Variants in RASA1 observed in about 807,000 individuals in gnomAD.
RASA1 encodes the protein RAS p21 protein activator 1, also known as ras GTPase-activating protein 1.
Under a neutral mutation model 132.2 loss-of-function variants are expected in RASA1, and 25 were observed. The observed-to-expected ratio is 0.19, with a 90% confidence interval of 0.14 to 0.26. The LOEUF (loss-of-function observed/expected upper bound fraction) is 0.26, where lower values mean the gene tolerates loss of function less well. Among genes scored for constraint, RASA1 ranks in the 10% least tolerant of loss-of-function variants. The pLI is 1.00. For missense variants in RASA1, 964 were observed against 1,299.2 expected, an observed-to-expected ratio of 0.74 and a Z score of 3.97; for synonymous variants, 477 against 449.9, an observed-to-expected ratio of 1.06 and a Z score of -0.76.
intron 20 of RASA1, among the ~76,000 whole-genome samples, chr5:87,383,456 C>A (rs773626190): frequency 6.6e-6 from 1 of 152,020 alleles, no homozygotes; most frequent in Non-Finnish European, 1.5e-5. Flanking sequence ...ACAACATTTT[C>A]CCAAAGTTAA....
rs1437906177 is a variant in RASA1 at position 87,363,373 on chromosome 5, A to G, written c.1479A>G (p.Leu493=). The change falls in exon 11 of 25, where the codon TTA becomes TTG. Residue 493 remains leucine (L), a synonymous_variant. Coordinates refer to ENST00000274376, the MANE Select transcript of RASA1 (RefSeq NM_002890.3). The part of the protein sequence containing the change: ...KKGKGKRWKN[L]YFILEGSDAQ... Reference sequence around the variant, plus strand: ...GCAAAGGAAAACGTTGGAAAAATTTATATTTTATCTTAGAGGGTAGTGATG... The same window carrying G: ...GCAAAGGAAAACGTTGGAAAAATTTGTATTTTATCTTAGAGGGTAGTGATG... The G allele has an allele frequency of 1.9e-6, 3 of 1,610,650 alleles. No homozygotes were observed. The highest frequency in any genetic ancestry group is 8.5e-7 in the Non-Finnish European group (1 of 1,177,608).
chr5:87,373,210 C>G (rs561825614), intron 13 of RASA1, among the ~76,000 whole-genome samples: 1 of 152,036 alleles, frequency 6.6e-6, no homozygotes, highest in Non-Finnish European at 1.5e-5. Flanking sequence ...CCTTTCTATT[C>G]ATGGGTTCTG....
intron 11 of RASA1, chr5:87,366,403 C>A: frequency 2.5e-6 from 1 of 403,466 alleles, no homozygotes; most frequent in Non-Finnish European, 5.0e-6. Flanking sequence ...GTCCACATTA[C>A]ACTTGATGGT....
chr5:87,269,495 T>C (rs181971709), intron 1 of RASA1, among the ~76,000 whole-genome samples: 14 of 152,314 alleles, frequency 9.2e-5, no homozygotes, highest in Admixed American at 7.2e-4. Context: ...AGAGAAAGCA[T>C]AGTGATGCAG....
intron 9 of RASA1, among the ~76,000 whole-genome samples, chr5:87,355,273 GCTGA>G (rs1759566219): frequency 6.6e-6 from 1 of 152,108 alleles, no homozygotes; most frequent in African/African-American, 2.4e-5. Context: ...CAAAGGTCAG[GCTGA>G]CTGACTCTTT....
At chr5:87,385,218 A>T in intron 21 of RASA1, 83 bp from the exon 22 acceptor site, 1 of 899,294 alleles carries the variant, frequency 1.1e-6, no homozygotes, top group South Asian at 1.3e-5. Flanking sequence ...CAGTAAAGAA[A>T]TATTAAAGTG....
chr5:87,285,678 C>T (rs1400742659), intron 1 of RASA1, among the ~76,000 whole-genome samples: 3 of 144,726 alleles, frequency 2.1e-5, no homozygotes, highest in Admixed American at 7.1e-5. Flanking sequence ...AGTGCAATGG[C>T]GTGATCTTGG....
At chr5:87,358,029 C>G (rs560246622) in intron 9 of RASA1, among the ~76,000 whole-genome samples, 2 of 152,280 alleles carry the variant, frequency 1.3e-5, no homozygotes, top group East Asian at 3.9e-4. Flanking sequence ...ACTCATTCTT[C>G]AAGCAGGGTT....
intron 13 of RASA1, 118 bp downstream of exon 13, chr5:87,372,313 A>G (rs747115127): frequency 8.7e-5 from 78 of 892,282 alleles, no homozygotes; most frequent in Non-Finnish European, 1.2e-4. Context: ...CCATGCTGCC[A>G]CTTGCTTCAG....
At chr5:87,303,083 A>G (rs1409613939) in intron 1 of RASA1, among the ~76,000 whole-genome samples, 2 of 152,116 alleles carry the variant, frequency 1.3e-5, no homozygotes, top group Non-Finnish European at 2.9e-5. Flanking sequence ...TTTTTCATAC[A>G]TGTGTGAGTT....
chr5:87,366,397 A>G (rs2112466697), intron 11 of RASA1: 1 of 415,310 alleles, frequency 2.4e-6, no homozygotes, highest in East Asian at 7.1e-5. Flanking sequence ...AGAAAGGTCC[A>G]CATTACACTT....
rs1386837961 is a variant in RASA1 at position 87,268,363 on chromosome 5, C to T, written c.-89C>T. 7.1e-7 allele frequency: 1 copy of T among 1,409,382 alleles called. No individual in the cohort carries two copies. The highest frequency in any genetic ancestry group is 9.4e-7 in the Non-Finnish European group (1 of 1,067,792). The allele number at this position is 1,409,382 out of a possible 1,614,324, so 87.3% of individuals were successfully genotyped here. A position where few individuals can be genotyped will look rare whatever the true frequency, so the allele number is the denominator to read the frequency against. On this transcript the variant is annotated 5_prime_UTR_variant, in exon 1 of 25. Transcript: ENST00000274376. ...AGCCTGGGGAGCTGAAGGGGAGACGCGTCTGGGTGGGGCTGCTCGGAGCCC... is the reference window on the plus strand; with the variant it reads ...AGCCTGGGGAGCTGAAGGGGAGACGTGTCTGGGTGGGGCTGCTCGGAGCCC...
At position 87,380,571 on chromosome 5, in the gene RASA1, C is replaced by G; in HGVS notation, c.2666C>G (p.Thr889Ser). ...GTTCAGCATAAGTGGCCTACAAATA[C>G]CACCATGAGAACAAGAGTTGTTAGG... Reference protein sequence around the residue: ...KSVQHKWPTNTTMRTRVVSGF... With the variant: ...KSVQHKWPTNSTMRTRVVSGF... Residue 889 changes from threonine to serine, a missense_variant, in exon 20 of 25, where the codon ACC (threonine) becomes AGC (serine). Physicochemically the swap from Thr to Ser is moderately conservative, Grantham distance 58. This residue lies in a region of RASA1 where 346 missense variants were observed against 520.1 expected (regional missense o/e 0.67). Transcript: ENST00000274376. 6.2e-7 allele frequency: 1 copy of G among 1,612,796 alleles called. No homozygotes were observed. The highest frequency in any genetic ancestry group is 1.1e-5 in the South Asian group (1 of 91,066).
At chr5:87,319,341 C>T (rs897479692) in intron 1 of RASA1, among the ~76,000 whole-genome samples, 1 of 152,252 alleles carries the variant, frequency 6.6e-6, no homozygotes, top group African/African-American at 2.4e-5. Flanking sequence ...ACATTTCCCC[C>T]TCTGCACTGC....
intron 6 of RASA1, among the ~76,000 whole-genome samples, chr5:87,342,748 T>C (rs937882846): frequency 3.9e-5 from 6 of 152,182 alleles, no homozygotes; most frequent in African/African-American, 1.4e-4. Context: ...AATCACTTTG[T>C]CTAGTTGTCT....
chr5:87,324,264 G>A (rs575765773), intron 1 of RASA1, among the ~76,000 whole-genome samples: 2 of 152,302 alleles, frequency 1.3e-5, no homozygotes, highest in South Asian at 2.1e-4. Flanking sequence ...CCTCCTGCTA[G>A]TAGGTATTGT....
intron 2 of RASA1, 46 bp from the exon 3 acceptor site, chr5:87,332,461 T>C: frequency 3.2e-6 from 5 of 1,542,660 alleles, no homozygotes; most frequent in Non-Finnish European, 3.6e-6. Context: ...TTTTTAAAAT[T>C]GGCTGTAAAG....
intron 6 of RASA1, among the ~76,000 whole-genome samples, chr5:87,345,090 T>C (rs1758755270): frequency 6.6e-6 from 1 of 152,082 alleles, no homozygotes; most frequent in Non-Finnish European, 1.5e-5. Context: ...CCTCCTGCCT[T>C]GGCCTCCGAA....
chr5:87,384,909 TC>T (rs1761964424), intron 21 of RASA1, among the ~76,000 whole-genome samples: 1 of 152,100 alleles, frequency 6.6e-6, no homozygotes, highest in African/African-American at 2.4e-5. Context: ...AGGGAATTGC[TC>T]AGATTGCTAA....
Sources: gnomAD v4.1 joint callset for allele counts (sites outside exome capture counted in the v4.1 genomes callset) on GRCh38, gnomAD v4.1.1 for gene constraint, gnomAD v4.1.1 regional missense constraint, MANE v1.5 for transcripts, NCBI Gene and HGNC (gene_info 2026-07-23, HGNC 2026-07-21) for gene names.